NOS3: variants seen among roughly 807,000 people sequenced by gnomAD.
The protein encoded by NOS3 is nitric oxide synthase 3.
Under a neutral mutation model 144.9 loss-of-function variants are expected in NOS3, and 98 were observed. That is an observed-to-expected ratio of 0.68 (90% CI 0.57 to 0.80). NOS3 has a LOEUF of 0.80. NOS3 is among the 30% of genes least tolerant of loss of function. NOS3 has a pLI of 0.00. For synonymous variants in NOS3, 714 were observed against 702.4 expected, an observed-to-expected ratio of 1.02 and a Z score of -0.26; for missense variants, 1,465 against 1,656.4, an observed-to-expected ratio of 0.88 and a Z score of 2.01.
At position 150,995,201 on chromosome 7, in the gene NOS3, A is replaced by G. The variant is rs1393859401; in HGVS notation, c.159-2A>G. 6.4e-7 allele frequency: 1 copy of G among 1,574,086 alleles called. No homozygotes were observed. The highest frequency in any genetic ancestry group is 8.7e-7 in the Non-Finnish European group (1 of 1,145,752). On this transcript the variant is annotated splice_acceptor_variant, in intron 2 of 26. Coordinates refer to ENST00000297494, the MANE Select transcript of NOS3 (RefSeq NM_000603.5). LOFTEE classifies it high-confidence loss of function. ...GATGACCCTATCCCTGGCTCCCAAC[A>G]GCCCCCCGAGCTCCCCGCTAACCCA...
Position 151,003,952 on chromosome 7 carries a change from TTATG to T in NOS3, c.1752+1650_1752+1653del. On this transcript the variant is annotated intron_variant, in intron 14 of 26. Coordinates refer to ENST00000297494, the MANE Select transcript of NOS3 (RefSeq NM_000603.5). The surrounding 1 kb of genome is among the most constrained non-coding windows in gnomAD (Gnocchi z 4.1). The stretch of plus-strand genomic sequence containing the variant: ...ATTCTTGTACCCGGCTTTTGTGGGC[TTATG>T]TTTTTATTTCTCTTGGGTAAATACC... 1 of 330,322 alleles carries T rather than the reference TTATG, an allele frequency of 3.0e-6. No individual in the cohort carries two copies. The highest frequency in any genetic ancestry group is 5.9e-6 in the Non-Finnish European group (1 of 168,796). 20.5% of individuals were successfully genotyped at this position (330,322 alleles called of 1,614,324 possible).
intron 15 of NOS3, 41 bp from the exon 16 acceptor site, chr7:151,006,848 C>A: frequency 6.6e-7 from 1 of 1,512,068 alleles, no homozygotes; most frequent in Non-Finnish European, 9.2e-7. Flanking sequence ...CCTGTATCCC[C>A]AGGGCCCTGT....
At position 150,998,730 on chromosome 7, in the gene NOS3, G is replaced by A; in HGVS notation, c.816+50G>A. On this transcript the variant is annotated intron_variant, in intron 7 of 26. Transcript: ENST00000297494. This position sits in a 1 kb window ranked among gnomAD's most constrained non-coding sequence, Gnocchi z 5.0. ...GGGTGTCCCCAAGGTGGAGAATGAG[G>A]AAACCAGTGGGAGAAGGCTCGGGGG... 1 of 1,569,678 alleles carries A rather than the reference G, an allele frequency of 6.4e-7. No individual in the cohort carries two copies. The highest frequency in any genetic ancestry group is 8.6e-7 in the Non-Finnish European group (1 of 1,156,488).
At chr7:151,013,678 C>G (rs933657053) in intron 25 of NOS3, 46 bp from the exon 26 acceptor site, 32 of 1,451,742 alleles carry the variant, frequency 2.2e-5, no homozygotes, top group Non-Finnish European at 3.0e-5. Context: ...GCTGCGCCCC[C>G]GCGCCCACCC....
At chr7:151,009,717 C>A in intron 20 of NOS3, 132 bp downstream of exon 20, 1 of 770,676 alleles carries the variant, frequency 1.3e-6, no homozygotes, top group Non-Finnish European at 2.0e-6. Context: ...CAGGCAGGCT[C>A]AGAGCTGGCT....
Position 150,998,108 on chromosome 7 carries a change from G to T in NOS3, c.583-249G>T, listed in dbSNP as rs1440030765. ...GAGGCCGAGTCCCTCCTCTGTACTGGATACCAAGTCAGCTTCCATAGGGAT... is the reference window on the plus strand; with the variant it reads ...GAGGCCGAGTCCCTCCTCTGTACTGTATACCAAGTCAGCTTCCATAGGGAT... On this transcript the variant is annotated intron_variant, in intron 5 of 26. Coordinates refer to ENST00000297494, the MANE Select transcript of NOS3 (RefSeq NM_000603.5). The surrounding 1 kb of genome is among the most constrained non-coding windows in gnomAD (Gnocchi z 5.0). Among the ~76,000 whole-genome samples, 1 of 152,220 alleles carries T rather than the reference G, an allele frequency of 6.6e-6. No homozygotes were observed. Among genetic ancestry groups the T allele is most frequent in the Non-Finnish European group, 1.5e-5 (1 of 68,046 alleles).
intron 3 of NOS3, among the ~76,000 whole-genome samples, chr7:150,995,593 C>G (rs13310774): frequency 0.011 from 4 of 358 alleles, no homozygotes; most frequent in South Asian, 0.056. Flanking sequence ...TCCTCCCTCT[C>G]CCCCCGTCCC....
At chr7:151,001,778 C>A (rs761331783) in intron 12 of NOS3, 43 bp from the exon 13 acceptor site, 2 of 1,612,052 alleles carry the variant, frequency 1.2e-6, no homozygotes, top group Admixed American at 3.3e-5. Flanking sequence ...GGAGGCCCTG[C>A]CTCTGTGCAC....
Position 151,013,217 on chromosome 7 carries a change from G to T in NOS3, c.3107-14G>T. The T allele has an allele frequency of 4.4e-6, 7 of 1,608,582 alleles. No homozygotes were observed. The highest frequency in any genetic ancestry group is 5.9e-6 in the Non-Finnish European group (7 of 1,176,854). ...CCCGGAGAAGAGCCTTCCCAAGCGCGGGGTTGCTTGCAGGGCTGCAGCCCA... is the reference window on the plus strand; with the variant it reads ...CCCGGAGAAGAGCCTTCCCAAGCGCTGGGTTGCTTGCAGGGCTGCAGCCCA... On this transcript the variant is annotated splice_polypyrimidine_tract_variant and intron_variant, in intron 24 of 26. Transcript: ENST00000297494.
chr7:151,006,854 C>T (rs755840273), intron 15 of NOS3, 35 bp from the exon 16 acceptor site: 1 of 1,537,392 alleles, frequency 6.5e-7, no homozygotes, highest in Non-Finnish European at 9.0e-7. Context: ...TCCCCAGGGC[C>T]CTGTGACAAC....
rs772759381 is a variant in NOS3, at chr7:151,001,567, C to T, written c.1452C>T (p.Ala484=). 35 of 1,614,038 alleles carry T rather than the reference C, an allele frequency of 2.2e-5. No homozygotes were observed. The highest frequency in any genetic ancestry group is 2.6e-5 in the Non-Finnish European group (31 of 1,180,008). ...AGCCAGACCCCTGGAAGGGGAGTGC[C>T]GCCAAGGGCACCGGCATCACCAGGA... ...RYQPDPWKGS[A]AKGTGITRKK... is the part of the protein sequence containing the mutation. The change falls in exon 12 of 27, where the codon GCC becomes GCT. Residue 484 remains alanine (A), a synonymous_variant. Coordinates refer to ENST00000297494, the MANE Select transcript of NOS3 (RefSeq NM_000603.5).
At position 151,009,177 on chromosome 7, in the gene NOS3, C is replaced by T. The variant is rs1298719756; in HGVS notation, c.2246-12C>T. Reference sequence around the variant, plus strand: ...AGCTCAGGCTGCCTCATTTGCCCCTCCCCGCCCCCAGGTCTGATCCACGTG... The same window carrying T: ...AGCTCAGGCTGCCTCATTTGCCCCTTCCCGCCCCCAGGTCTGATCCACGTG... On this transcript the variant is annotated splice_polypyrimidine_tract_variant and intron_variant, in intron 18 of 26. Transcript: ENST00000297494. 1 of 1,613,856 alleles carries T rather than the reference C, an allele frequency of 6.2e-7. No homozygotes were observed. Among genetic ancestry groups the T allele is most frequent in the African/African-American group, 1.3e-5 (1 of 75,022 alleles).
At chr7:151,013,418 G>T in intron 25 of NOS3, 39 bp downstream of exon 25, 2 of 1,582,692 alleles carry the variant, frequency 1.3e-6, no homozygotes, top group Non-Finnish European at 1.7e-6. Flanking sequence ...CCTGAAGATA[G>T]GGAGAGAGGG....
rs1241245442 is a variant in NOS3 at position 151,002,451 on chromosome 7, C to A, written c.1752+147C>A. On this transcript the variant is annotated intron_variant, in intron 14 of 26. Coordinates refer to ENST00000297494, the MANE Select transcript of NOS3 (RefSeq NM_000603.5). The surrounding 1 kb of genome is among the most constrained non-coding windows in gnomAD (Gnocchi z 4.1). ...ACACACACACACACACACACACACA[C>A]ACGCCAGGATGGAAAGGGAGATGCT... The A allele has an allele frequency of 2.1e-6, 1 of 480,512 alleles. No individual in the cohort carries two copies. 29.8% of individuals were successfully genotyped at this position (480,512 alleles called of 1,614,324 possible).
chr7:151,000,629 A>C (rs1389455847), intron 10 of NOS3, 30 bp downstream of exon 10: 4 of 1,491,914 alleles, frequency 2.7e-6, no homozygotes, highest in Admixed American at 1.7e-5. Flanking sequence ...CCAGGAAGGC[A>C]AAGGGTTTGC....
At chr7:151,007,378 C>T (rs1253366838) in intron 17 of NOS3, 102 bp downstream of exon 17, 4 of 1,315,192 alleles carry the variant, frequency 3.0e-6, no homozygotes, top group Non-Finnish European at 4.1e-6. Flanking sequence ...CCTTCCTGTT[C>T]CTTCCAAAAT....
chr7:151,014,013 GCA>G lies in NOS3; in HGVS notation c.3457_3458del (p.Gln1153ThrfsTer143). ...GDVIGVLRDQ[Q>X]RYHEDIFGLT... is the part of the protein sequence containing the mutation. ...ACTGTGCTCTTTTCCGACAGGATCA[GCA>G]ACGCTACCACGAAGACATTTTCGGG... On this transcript the variant is annotated frameshift_variant, in exon 27 of 27. Coordinates refer to ENST00000297494, the MANE Select transcript of NOS3 (RefSeq NM_000603.5). LOFTEE classifies it high-confidence loss of function. 6.2e-7 allele frequency: 1 copy of G among 1,612,624 alleles called. No homozygotes were observed.
At chr7:151,009,166 C>T (rs1286491110) in intron 18 of NOS3, 23 bp from the exon 19 acceptor site, 24 of 1,613,600 alleles carry the variant, frequency 1.5e-5, no homozygotes, top group Non-Finnish European at 1.9e-5. Context: ...CAGGCTGCCT[C>T]ATTTGCCCCT....
Position 151,011,009 on chromosome 7 carries a change from T to C in NOS3, c.2984+23T>C, listed in dbSNP as rs1425963725. On this transcript the variant is annotated intron_variant, in intron 23 of 26. Transcript: ENST00000297494. ...GGGGTAAGTGAGATGGAAGACTTGGTGGGGAGCTGCCCAGGGTCAGGGTGG... is the reference window on the plus strand; with the variant it reads ...GGGGTAAGTGAGATGGAAGACTTGGCGGGGAGCTGCCCAGGGTCAGGGTGG... 4.5e-6 allele frequency: 7 copies of C among 1,572,628 alleles called. No individual in the cohort carries two copies. In the South Asian group the frequency reaches 7.8e-5, roughly 18 times the overall value.
Sources: gnomAD v4.1 joint callset for allele counts (sites outside exome capture counted in the v4.1 genomes callset) on GRCh38, gnomAD v4.1.1 for gene constraint, Gnocchi (gnomAD v3.1) non-coding constraint, MANE v1.5 for transcripts, NCBI Gene and HGNC (gene_info 2026-07-23, HGNC 2026-07-21) for gene names.